The following CBL variants were observed in gnomAD, a reference collection of about 807,000 sequenced individuals.
CBL encodes Cbl proto-oncogene.
Under a neutral mutation model 96.9 loss-of-function variants are expected in CBL, and 45 were observed. That is an observed-to-expected ratio of 0.46 (90% CI 0.37 to 0.60). The LOEUF (loss-of-function observed/expected upper bound fraction) is 0.60. Ranked by LOEUF, CBL falls within the 20% of genes least tolerant of loss-of-function variation. The probability of loss-of-function intolerance (pLI) is 0.00; values close to 1 mark genes in which losing one functional copy is unlikely to be tolerated. For synonymous variants in CBL, 420 were observed against 426.8 expected, an observed-to-expected ratio of 0.98 and a Z score of 0.20; for missense variants, 1,024 against 1,143.5, an observed-to-expected ratio of 0.90 and a Z score of 1.51.
chr11:119,251,421 A>G (rs1949669065), intron 2 of CBL, among the ~76,000 whole-genome samples: 1 of 152,222 alleles, frequency 6.6e-6, no homozygotes, highest in Non-Finnish European at 1.5e-5. Flanking sequence ...CAAAATGTTA[A>G]TGAGCAGTTC....
intron 12 of CBL, among the ~76,000 whole-genome samples, chr11:119,296,489 CAAG>C (rs1192052032): frequency 6.6e-6 from 1 of 151,232 alleles, no homozygotes; most frequent in African/African-American, 2.4e-5. Context: ...TTATATAAAA[CAAG>C]GAGTTTGAGA....
chr11:119,275,893 T>G, intron 5 of CBL, 104 bp from the exon 6 acceptor site: 1 of 1,095,626 alleles, frequency 9.1e-7, no homozygotes, highest in Non-Finnish European at 1.4e-6. Context: ...AAGAAAGTTA[T>G]TGTTATTCTT....
intron 12 of CBL, among the ~76,000 whole-genome samples, chr11:119,291,053 T>C (rs1171489901): frequency 2.6e-5 from 4 of 152,160 alleles, no homozygotes; most frequent in African/African-American, 9.7e-5. Flanking sequence ...TTGGCTTCCA[T>C]TGTTTCTGTT....
intron 12 of CBL, among the ~76,000 whole-genome samples, chr11:119,293,489 A>C (rs1950043746): frequency 6.6e-6 from 1 of 152,162 alleles, no homozygotes; most frequent in African/African-American, 2.4e-5. Flanking sequence ...TTGGCAAGAC[A>C]GCCAAAATAT....
intron 2 of CBL, among the ~76,000 whole-genome samples, chr11:119,263,860 G>A (rs139116124): frequency 3.3e-4 from 51 of 152,310 alleles, no homozygotes; most frequent in African/African-American, 1.1e-3. Context: ...TGACACTAGT[G>A]TTTGGATATA....
intron 2 of CBL, among the ~76,000 whole-genome samples, chr11:119,239,793 T>G (rs1309058575): frequency 6.6e-6 from 1 of 152,132 alleles, no homozygotes; most frequent in South Asian, 2.1e-4. Flanking sequence ...GTTTTTTTTT[T>G]GCTTTTTTGT....
Position 119,274,940 on chromosome 11 carries a change from C to G in CBL, c.856C>G (p.His286Asp). The change falls in exon 5 of 16, where the codon CAC becomes GAC. Residue 286 changes from histidine to aspartate, a missense_variant. His to Asp is a moderately conservative substitution (Grantham distance 81). This residue lies in a region of CBL where 192 missense variants were observed against 321.8 expected (regional missense o/e 0.60). Transcript: ENST00000264033. ...EVKARLQKFI[H>D]KPGSYIFRLS... ...GAAAGCTCGGCTCCAGAAATTCATT[C>G]ACAAACCTGGCAGGTCAGTTCAATG... 1 of 1,613,984 alleles carries G rather than the reference C, an allele frequency of 6.2e-7. No individual in the cohort carries two copies. The highest frequency in any genetic ancestry group is 2.2e-5 in the East Asian group (1 of 44,882).
At chr11:119,212,683 T>C (rs1949328341) in intron 1 of CBL, among the ~76,000 whole-genome samples, 1 of 151,834 alleles carries the variant, frequency 6.6e-6, no homozygotes, top group Non-Finnish European at 1.5e-5. Flanking sequence ...TTATTTTTAT[T>C]CATTATTATT....
Position 119,307,708 on chromosome 11 carries a change from C to T in CBL, c.*7927C>T, listed in dbSNP as rs1458419716. On this transcript the variant is annotated 3_prime_UTR_variant, in exon 16 of 16. Transcript: ENST00000264033. ...TGGGAGACAGAAATTTTAAAGTCCT[C>T]CTTATTCAAGATTTTGAAATTCTTA... 4.5e-6 allele frequency: 1 copy of T among 224,562 alleles called. No individual in the cohort carries two copies. Among genetic ancestry groups the T allele is most frequent in the Non-Finnish European group, 8.9e-6 (1 of 112,666 alleles). The allele number at this position is 224,562 out of a possible 1,614,324, so 13.9% of individuals were successfully genotyped here.
rs1267111968 is a variant in CBL at position 119,249,521 on chromosome 11, C to T, written c.443+16826C>T. On this transcript the variant is annotated intron_variant, in intron 2 of 15. Coordinates refer to ENST00000264033, the MANE Select transcript of CBL (RefSeq NM_005188.4). ...AGTGAGGTGAGACGCCACTGCACTC[C>T]AGCGTGGGTGACAGAGTGAGACTCG... Among the ~76,000 whole-genome samples the T allele has an allele frequency of 4.4e-5, 6 of 137,166 alleles. No individual in the cohort carries two copies. The East Asian group carries it at 8.5e-4, about 19-fold the overall frequency. The allele number at this position is 137,166 out of a possible 152,430, so 90.0% of individuals were successfully genotyped here. A position where few individuals can be genotyped will look rare whatever the true frequency, so the allele number is the denominator to read the frequency against.
At chr11:119,239,194 C>T (rs1054827147) in intron 2 of CBL, among the ~76,000 whole-genome samples, 1 of 152,130 alleles carries the variant, frequency 6.6e-6, no homozygotes, top group East Asian at 1.9e-4. Context: ...CGGTCTCAAA[C>T]TCCTGGGCTC....
rs139813173 is a variant in CBL, at chr11:119,259,223, T to A, written c.444-12512T>A. Among the ~76,000 whole-genome samples the A allele has an allele frequency of 2.0e-5, 3 of 152,180 alleles. No homozygotes were observed. In the East Asian group the frequency reaches 5.8e-4, roughly 29 times the overall value. ...TTTTTTTAGGTATGTGATGATATTA[T>A]TGGCAAAACAGAGATAGCTTGACTT... On this transcript the variant is annotated intron_variant, in intron 2 of 15. Transcript: ENST00000264033.
At chr11:119,260,151 C>A (rs1005281656) in intron 2 of CBL, among the ~76,000 whole-genome samples, 2 of 152,106 alleles carry the variant, frequency 1.3e-5, no homozygotes, top group African/African-American at 4.8e-5. Flanking sequence ...CTTTCATGTC[C>A]CGTTACTGAG....
chr11:119,223,067 C>T (rs895269761), intron 1 of CBL, among the ~76,000 whole-genome samples: 3 of 151,532 alleles, frequency 2.0e-5, no homozygotes, highest in Non-Finnish European at 4.4e-5. Flanking sequence ...GTAGTCCCGG[C>T]TACTTGGGAG....
chr11:119,225,686 A>G (rs1157729538), intron 1 of CBL, among the ~76,000 whole-genome samples: 1 of 150,416 alleles, frequency 6.6e-6, no homozygotes. Flanking sequence ...CTGGGATTAC[A>G]GATGTAAGAC....
At chr11:119,206,829 A>G (rs1949273603) in intron 1 of CBL, among the ~76,000 whole-genome samples, 2 of 148,434 alleles carry the variant, frequency 1.3e-5, no homozygotes, top group African/African-American at 5.0e-5. Flanking sequence ...GAGTCGGGGA[A>G]CGCTGGGGTG....
chr11:119,211,062 A>G (rs971374746), intron 1 of CBL, among the ~76,000 whole-genome samples: 1 of 152,198 alleles, frequency 6.6e-6, no homozygotes, highest in African/African-American at 2.4e-5. Flanking sequence ...AGTTATATAA[A>G]TGTAGTCTTC....
chr11:119,211,800 GGTT>G (rs1280352055), intron 1 of CBL, among the ~76,000 whole-genome samples: 1 of 151,930 alleles, frequency 6.6e-6, no homozygotes, highest in Non-Finnish European at 1.5e-5. Context: ...CACTGTGCCC[GGTT>G]GTTGTTGTTA....
chr11:119,256,181 AT>A, intron 2 of CBL, among the ~76,000 whole-genome samples: 1 of 149,488 alleles, frequency 6.7e-6, no homozygotes, highest in Non-Finnish European at 1.5e-5. Context: ...ACTTGATAGT[AT>A]TTGTACATTC....
Sources: allele counts gnomAD v4.1 joint callset (sites outside exome capture counted in the v4.1 genomes callset), GRCh38; gene constraint gnomAD v4.1.1; regional missense constraint gnomAD v4.1.1; transcripts MANE v1.5; gene names NCBI Gene and HGNC (gene_info 2026-07-23, HGNC 2026-07-21).